The following KCNH7 variants were observed in gnomAD, a reference collection of about 807,000 sequenced individuals.
The protein encoded by KCNH7 is voltage-gated inwardly rectifying potassium channel KCNH7.
Under a neutral mutation model 120.8 loss-of-function variants are expected in KCNH7, and 49 were observed. The observed-to-expected ratio is 0.41, with a 90% CI of 0.32 to 0.51. The LOEUF (loss-of-function observed/expected upper bound fraction) is 0.51, where lower values mean the gene tolerates loss of function less well. Among genes scored for constraint, KCNH7 ranks in the 20% least tolerant of loss-of-function variants. The pLI is 0.38. For synonymous variants in KCNH7, 547 were observed against 516.1 expected (o/e 1.06, Z -0.81); for missense variants, 1,097 against 1,446.6 (o/e 0.76, Z 3.92).
chr2:162,573,908 GA>G (rs1220958182), intron 2 of KCNH7, among the ~76,000 whole-genome samples: 1 of 151,406 alleles, frequency 6.6e-6, no homozygotes, highest in Non-Finnish European at 1.5e-5. Flanking sequence ...TAGTTACCAG[GA>G]AAAAAAATGC....
intron 8 of KCNH7, 143 bp downstream of exon 8, chr2:162,435,055 G>A (rs1688193503): frequency 1.4e-6 from 1 of 726,660 alleles, no homozygotes; most frequent in Non-Finnish European, 2.1e-6. Flanking sequence ...CAGATTTGAT[G>A]GAATACAGTA....
chr2:162,498,254 C>T (rs535654245), intron 6 of KCNH7, among the ~76,000 whole-genome samples: 36 of 151,802 alleles, frequency 2.4e-4, no homozygotes, highest in African/African-American at 7.0e-4. Context: ...GGTCATAGTA[C>T]GACAAATACT....
intron 3 of KCNH7, among the ~76,000 whole-genome samples, chr2:162,523,136 A>G (rs565600291): frequency 1.4e-4 from 21 of 151,984 alleles, no homozygotes; most frequent in African/African-American, 4.6e-4. Flanking sequence ...TCCGTGATTA[A>G]TTTTAGTTTT....
At chr2:162,579,518 G>A (rs986943410) in intron 2 of KCNH7, among the ~76,000 whole-genome samples, 14 of 151,958 alleles carry the variant, frequency 9.2e-5, no homozygotes, top group African/African-American at 2.9e-4. Context: ...TTGGAGACTC[G>A]TTAACCTCCC....
intron 2 of KCNH7, among the ~76,000 whole-genome samples, chr2:162,684,004 T>G (rs1052106923): frequency 6.6e-6 from 1 of 151,978 alleles, no homozygotes; most frequent in Non-Finnish European, 1.5e-5. Flanking sequence ...AACAGAGATA[T>G]AGACCAATGG....
chr2:162,552,628 TACTAGAATC>T (rs986105201), intron 2 of KCNH7, among the ~76,000 whole-genome samples: 5 of 152,322 alleles, frequency 3.3e-5, no homozygotes, highest in African/African-American at 1.2e-4. Context: ...CAGGTGTGCT[TACTAGAATC>T]ACAGGAGACT....
chr2:162,504,590 G>A lies in KCNH7; in HGVS notation c.981C>T (p.Ser327=), dbSNP rs1469417529. Residue 327 remains serine, a synonymous_variant, in exon 6 of 16, where the codon AGC becomes AGT. Transcript: ENST00000332142. ...STSDSNLNKY[S]TINKIPQLTL... ...TGAGCTGTGGAATCTTGTTAATGGT[G>A]CTGTATTTGTTGAGGTTTGAATCTG... The A allele has an allele frequency of 8.1e-6, 13 of 1,612,746 alleles. No homozygotes were observed. The highest frequency in any genetic ancestry group is 1.0e-5 in the Non-Finnish European group (12 of 1,179,074).
At chr2:162,827,472 T>C (rs1383176627) in intron 2 of KCNH7, among the ~76,000 whole-genome samples, 1 of 152,114 alleles carries the variant, frequency 6.6e-6, no homozygotes, top group Non-Finnish European at 1.5e-5. Flanking sequence ...TTTAAAATGA[T>C]GCAGATTATA....
At chr2:162,558,947 C>T (rs968752631) in intron 2 of KCNH7, among the ~76,000 whole-genome samples, 4 of 146,268 alleles carry the variant, frequency 2.7e-5, no homozygotes, top group African/African-American at 2.5e-5. Flanking sequence ...CCCAGCTACT[C>T]GGGAGGCTGA....
chr2:162,474,112 T>C (rs1335880994), intron 6 of KCNH7, among the ~76,000 whole-genome samples: 7 of 152,336 alleles, frequency 4.6e-5, no homozygotes, highest in African/African-American at 7.2e-5. Context: ...ACAATAATCC[T>C]ATAAAGTAGC....
At chr2:162,635,788 T>G (rs1224827308) in intron 2 of KCNH7, among the ~76,000 whole-genome samples, 3 of 152,068 alleles carry the variant, frequency 2.0e-5, no homozygotes, top group Non-Finnish European at 4.4e-5. Context: ...ACATTTGAAA[T>G]TTTTAACTTA....
intron 6 of KCNH7, among the ~76,000 whole-genome samples, chr2:162,478,672 T>C (rs1689827337): frequency 6.6e-6 from 1 of 152,160 alleles, no homozygotes; most frequent in East Asian, 1.9e-4. Context: ...AGTTAGGAAG[T>C]CCAAATCAAT....
intron 6 of KCNH7, among the ~76,000 whole-genome samples, chr2:162,451,417 T>C (rs1427402938): frequency 6.6e-6 from 1 of 152,116 alleles, no homozygotes; most frequent in Non-Finnish European, 1.5e-5. Context: ...TTGTTTTAGT[T>C]ATCTATTCCT....
intron 6 of KCNH7, among the ~76,000 whole-genome samples, chr2:162,488,657 G>T (rs1185798713): frequency 5.3e-5 from 8 of 152,110 alleles, no homozygotes; most frequent in Non-Finnish European, 1.5e-5. Flanking sequence ...CCCACCATAA[G>T]GTCCATAAAT....
At chr2:162,531,177 A>G (rs1691911305) in intron 3 of KCNH7, among the ~76,000 whole-genome samples, 1 of 152,008 alleles carries the variant, frequency 6.6e-6, no homozygotes, top group Non-Finnish European at 1.5e-5. Context: ...TGTAACTTGT[A>G]CATAGGACTT....
chr2:162,585,171 C>T (rs1693987216), intron 2 of KCNH7, among the ~76,000 whole-genome samples: 1 of 151,954 alleles, frequency 6.6e-6, no homozygotes, highest in Middle Eastern at 3.2e-3. Context: ...ACCTTGTTCT[C>T]CTCAACCAGG....
At chr2:162,430,771 T>A (rs1558940999) in intron 8 of KCNH7, among the ~76,000 whole-genome samples, 1 of 151,920 alleles carries the variant, frequency 6.6e-6, no homozygotes, top group East Asian at 1.9e-4. Flanking sequence ...GCTACAAAAA[T>A]AAGAAATTCT....
At chr2:162,822,143 A>G (rs957881962) in intron 2 of KCNH7, among the ~76,000 whole-genome samples, 1 of 83,886 alleles carries the variant, frequency 1.2e-5, no homozygotes, top group Non-Finnish European at 3.1e-5. Context: ...AACCGCTGCT[A>G]ATTTCTTCTT....
intron 2 of KCNH7, among the ~76,000 whole-genome samples, chr2:162,663,046 G>T (rs553278926): frequency 6.6e-6 from 1 of 152,166 alleles, no homozygotes; most frequent in African/African-American, 2.4e-5. Flanking sequence ...TTACATGGTG[G>T]TTATTAGGAT....
Sources: allele counts gnomAD v4.1 joint callset (sites outside exome capture counted in the v4.1 genomes callset), GRCh38; gene constraint gnomAD v4.1.1; transcripts MANE v1.5; gene names NCBI Gene and HGNC (gene_info 2026-07-23, HGNC 2026-07-21).